The following FAM135B variants were observed in gnomAD, a reference collection of about 807,000 sequenced individuals.
The protein encoded by FAM135B is family with sequence similarity 135 member B, also known as protein FAM135B.
A neutral mutation model predicts 127.7 loss-of-function variants in FAM135B; 43 were observed. The ratio of observed to expected loss-of-function variants is 0.34; its 90% CI spans 0.26 to 0.43. The LOEUF (loss-of-function observed/expected upper bound fraction) is 0.43, where lower values mean the gene tolerates loss of function less well. Ranked by LOEUF, FAM135B falls within the 20% of genes least tolerant of loss-of-function variation. The pLI is 1.00. For synonymous variants in FAM135B, 670 were observed against 665.1 expected (o/e 1.01, Z -0.11); for missense variants, 1,558 against 1,725.6 (o/e 0.90, Z 1.72).
intron 2 of FAM135B, among the ~76,000 whole-genome samples, chr8:138,322,981 T>G (rs556731852): frequency 6.6e-6 from 1 of 152,388 alleles, no homozygotes; most frequent in South Asian, 2.1e-4. Flanking sequence ...CTACACAGTA[T>G]GCACTCATAG....
intron 2 of FAM135B, among the ~76,000 whole-genome samples, chr8:138,361,813 A>T (rs370477020): frequency 1.3e-5 from 2 of 152,178 alleles, no homozygotes; most frequent in East Asian, 3.9e-4. Flanking sequence ...ATCCATCCTT[A>T]AAGTGACAGC....
intron 1 of FAM135B, among the ~76,000 whole-genome samples, chr8:138,422,779 T>C (rs1251445173): frequency 3.3e-5 from 5 of 152,228 alleles, no homozygotes; most frequent in Non-Finnish European, 7.3e-5. Context: ...TCCAATTGAA[T>C]ATAAATTGTT....
chr8:138,453,006 CTTATGTGGGT>C (rs1213128392), intron 1 of FAM135B, among the ~76,000 whole-genome samples: 1 of 152,090 alleles, frequency 6.6e-6, no homozygotes, highest in East Asian at 1.9e-4. Context: ...TGTCCTATGA[CTTATGTGGGT>C]TAATGTGGGA....
rs150527168 is a variant in FAM135B, at chr8:138,137,220, G to A, written c.3942C>T (p.Pro1314=). 170 of 1,612,402 alleles carry A rather than the reference G, an allele frequency of 1.1e-4. No homozygotes were observed. In the African/African-American group the frequency reaches 2.1e-3, roughly 20 times the overall value. ...AATGAAATGGCACATAACGGTCTTGGGGAGAAGCAACCAGCACGACGTTTT... is the reference window on the plus strand; with the variant it reads ...AATGAAATGGCACATAACGGTCTTGAGGAGAAGCAACCAGCACGACGTTTT... ...YFKNVVLVAS[P]QDRYVPFHSA... is the part of the protein sequence containing the mutation. The change falls in exon 19 of 20, where the codon CCC becomes CCT. Residue 1314 remains proline (P), a synonymous_variant. Coordinates refer to ENST00000395297, the MANE Select transcript of FAM135B (RefSeq NM_015912.4).
chr8:138,188,703 C>T (rs761267668), intron 9 of FAM135B, among the ~76,000 whole-genome samples: 1 of 152,170 alleles, frequency 6.6e-6, no homozygotes, highest in African/African-American at 2.4e-5. Flanking sequence ...TGCAGCCCTG[C>T]CCACTGTTCC....
intron 2 of FAM135B, among the ~76,000 whole-genome samples, chr8:138,331,416 G>A (rs1828165932): frequency 6.6e-6 from 1 of 152,136 alleles, no homozygotes; most frequent in Admixed American, 6.5e-5. Flanking sequence ...ACAGAAAATA[G>A]ATTAATTCCT....
rs1423565998 is a variant in FAM135B at position 138,475,965 on chromosome 8, G to A, written c.-20+20706C>T. On this transcript the variant is annotated intron_variant, in intron 1 of 19. Transcript: ENST00000395297. Reference sequence around the variant, plus strand: ...GTCAAAACTTGGAAGCAACCAATATGTCCTTCAGTGGGAGAGTGGATAAAT... The same window carrying A: ...GTCAAAACTTGGAAGCAACCAATATATCCTTCAGTGGGAGAGTGGATAAAT... Among the ~76,000 whole-genome samples the A allele has an allele frequency of 2.0e-5, 3 of 152,302 alleles. No homozygotes were observed. The East Asian group carries it at 5.8e-4, about 29-fold the overall frequency.
intron 15 of FAM135B, chr8:138,144,444 T>G (rs11781465): frequency 0.81 from 123,826 of 152,070 alleles, 50,765 homozygotes; most frequent in East Asian, 1. Flanking sequence ...ATATACCTAA[T>G]AGAGATGCTG....
intron 19 of FAM135B, 87 bp downstream of exon 19, chr8:138,137,059 AG>A: frequency 1.3e-6 from 1 of 752,178 alleles, no homozygotes; most frequent in Non-Finnish European, 2.4e-6. Context: ...CCTATAGCCC[AG>A]GTGTTCCCAA....
At chr8:138,412,493 G>T (rs1207726055) in intron 1 of FAM135B, among the ~76,000 whole-genome samples, 1 of 152,142 alleles carries the variant, frequency 6.6e-6, no homozygotes, top group African/African-American at 2.4e-5. Context: ...GGTCCTCTGG[G>T]ACTCACCTGG....
At chr8:138,282,974 T>C (rs991412725) in intron 3 of FAM135B, among the ~76,000 whole-genome samples, 2 of 150,508 alleles carry the variant, frequency 1.3e-5, no homozygotes, top group African/African-American at 2.4e-5. Flanking sequence ...GATCTCGGCT[T>C]ACTGCAACCT....
At chr8:138,165,281 C>T (rs756549495) in intron 12 of FAM135B, among the ~76,000 whole-genome samples, 30 of 151,950 alleles carry the variant, frequency 2.0e-4, no homozygotes, top group Admixed American at 4.6e-4. Context: ...CCACCACACA[C>T]GGCTAATTTT....
intron 1 of FAM135B, among the ~76,000 whole-genome samples, chr8:138,394,316 T>G (rs1374371617): frequency 6.6e-6 from 1 of 152,182 alleles, no homozygotes; most frequent in Non-Finnish European, 1.5e-5. Context: ...CAAGTTTACA[T>G]GTGGCAGGCA....
intron 9 of FAM135B, among the ~76,000 whole-genome samples, chr8:138,179,927 T>A (rs182894131): frequency 7.9e-5 from 12 of 152,298 alleles, no homozygotes; most frequent in Non-Finnish European, 1.6e-4. Flanking sequence ...GTGATCCACC[T>A]GCTTCAGAGT....
chr8:138,248,641 G>A (rs2130458527), intron 6 of FAM135B, among the ~76,000 whole-genome samples: 1 of 152,026 alleles, frequency 6.6e-6, no homozygotes, highest in South Asian at 2.1e-4. Flanking sequence ...GCAACTTGGT[G>A]AAACCCTGTC....
rs750105266 is a variant in FAM135B, at chr8:138,367,997, C to A, written c.-14G>T. 1.2e-6 allele frequency: 2 copies of A among 1,610,418 alleles called. No homozygotes were observed. The highest frequency in any genetic ancestry group is 1.7e-6 in the Non-Finnish European group (2 of 1,176,946). On this transcript the variant is annotated 5_prime_UTR_variant, in exon 2 of 20. It removes an upstream start codon present in the reference 5' UTR. Coordinates refer to ENST00000395297, the MANE Select transcript of FAM135B (RefSeq NM_015912.4). The stretch of plus-strand genomic sequence containing the variant: ...TATTTCAGACATGATCTTTTTGGCT[C>A]ATTACCTGAAAAACAAGAGAGAAAT...
At chr8:138,174,134 C>G (rs1397904353) in intron 11 of FAM135B, among the ~76,000 whole-genome samples, 2 of 152,154 alleles carry the variant, frequency 1.3e-5, no homozygotes, top group African/African-American at 2.4e-5. Flanking sequence ...CCCTCCTATC[C>G]TATCCTATTT....
At chr8:138,343,641 C>G (rs1184740604) in intron 2 of FAM135B, among the ~76,000 whole-genome samples, 1 of 152,334 alleles carries the variant, frequency 6.6e-6, no homozygotes, top group African/African-American at 2.4e-5. Context: ...CAGGTACCTT[C>G]TACCACACAA....
intron 7 of FAM135B, among the ~76,000 whole-genome samples, chr8:138,198,393 C>G (rs970803943): frequency 2.0e-5 from 3 of 152,138 alleles, no homozygotes; most frequent in Admixed American, 2.0e-4. Context: ...ATACACAAAC[C>G]TTCTTTCCCC....
Sources: gnomAD v4.1 joint callset for allele counts (sites outside exome capture counted in the v4.1 genomes callset) on GRCh38, gnomAD v4.1.1 for gene constraint, MANE v1.5 for transcripts, NCBI Gene and HGNC (gene_info 2026-07-23, HGNC 2026-07-21) for gene names.